Variants in DOCK3 observed in about 807,000 individuals in gnomAD.
The protein encoded by DOCK3 is dedicator of cytokinesis 3, also known as dedicator of cytokinesis protein 3.
A neutral mutation model predicts 265.6 loss-of-function variants in DOCK3; 60 were observed. The observed-to-expected ratio is 0.23, with a 90% CI of 0.18 to 0.28. DOCK3 has a LOEUF of 0.28. Among genes scored for constraint, DOCK3 ranks in the 10% least tolerant of loss-of-function variants. The pLI is 1.00. For missense variants in DOCK3, 1,981 were observed against 2,594.3 expected (o/e 0.76, Z 5.14); for synonymous variants, 881 against 938.0 (o/e 0.94, Z 1.11).
chr3:51,173,036 C>A (rs982368912), intron 12 of DOCK3, among the ~76,000 whole-genome samples: 3 of 152,156 alleles, frequency 2.0e-5, no homozygotes, highest in African/African-American at 7.2e-5. Flanking sequence ...GTCTCTTAAA[C>A]TATATATTAG....
chr3:50,745,001 C>T (rs1202571372), intron 1 of DOCK3, among the ~76,000 whole-genome samples: 3 of 152,120 alleles, frequency 2.0e-5, no homozygotes, highest in African/African-American at 7.2e-5. Flanking sequence ...AGTGTGAGTC[C>T]TCCAACTTTA....
intron 46 of DOCK3, among the ~76,000 whole-genome samples, chr3:51,360,112 A>G (rs2086623469): frequency 6.6e-6 from 1 of 152,104 alleles, no homozygotes; most frequent in African/African-American, 2.4e-5. Flanking sequence ...CCCAACACCA[A>G]TCCTTATGTA....
intron 2 of DOCK3, among the ~76,000 whole-genome samples, chr3:50,838,786 T>C (rs1231079231): frequency 2.0e-5 from 3 of 152,230 alleles, no homozygotes; most frequent in South Asian, 2.1e-4. Flanking sequence ...ATGAACTTTT[T>C]TGGTTCATAT....
intron 2 of DOCK3, among the ~76,000 whole-genome samples, chr3:50,813,660 A>G (rs1041126403): frequency 2.0e-5 from 3 of 152,242 alleles, no homozygotes; most frequent in African/African-American, 7.2e-5. Flanking sequence ...TGATAAACCC[A>G]TCATGAAGTT....
At chr3:50,788,311 A>T in intron 2 of DOCK3, 1 of 337,758 alleles carries the variant, frequency 3.0e-6, no homozygotes, top group East Asian at 6.1e-5. Flanking sequence ...TTTATTAAGC[A>T]GTTCAGACTG....
intron 12 of DOCK3, among the ~76,000 whole-genome samples, chr3:51,190,154 T>C (rs190406319): frequency 1.0e-3 from 154 of 152,324 alleles, no homozygotes; most frequent in African/African-American, 3.5e-3. Flanking sequence ...CTGGATTCTT[T>C]TGTCCCACAG....
At chr3:51,260,069 G>C in intron 22 of DOCK3, 87 bp from the exon 23 acceptor site, 1 of 1,337,360 alleles carries the variant, frequency 7.5e-7, no homozygotes. Flanking sequence ...TATAGAAACT[G>C]CTGTTACTTT....
intron 27 of DOCK3, among the ~76,000 whole-genome samples, chr3:51,280,662 G>A (rs2081059874): frequency 6.6e-6 from 1 of 152,028 alleles, no homozygotes; most frequent in Admixed American, 6.6e-5. Context: ...CTGCTCATTT[G>A]CTGCCAAACT....
intron 12 of DOCK3, among the ~76,000 whole-genome samples, chr3:51,168,729 A>G (rs2086528085): frequency 6.6e-6 from 1 of 152,222 alleles, no homozygotes; most frequent in Non-Finnish European, 1.5e-5. Context: ...AACAAATGCG[A>G]AAATTGACAA....
At chr3:51,330,859 A>G (rs2084472921) in intron 33 of DOCK3, among the ~76,000 whole-genome samples, 1 of 152,240 alleles carries the variant, frequency 6.6e-6, no homozygotes, top group South Asian at 2.1e-4. Context: ...TCTTCCTAAA[A>G]AATGAAATCT....
intron 5 of DOCK3, among the ~76,000 whole-genome samples, chr3:50,981,567 T>G (rs1359760923): frequency 6.6e-6 from 1 of 152,238 alleles, no homozygotes; most frequent in Admixed American, 6.5e-5. Context: ...CTATGTTGTA[T>G]TGGAGTCTGC....
intron 3 of DOCK3, among the ~76,000 whole-genome samples, chr3:50,849,427 G>A (rs2046254734): frequency 6.6e-6 from 1 of 151,176 alleles, no homozygotes; most frequent in South Asian, 2.1e-4. Context: ...TATATATATG[G>A]CAGCAAATAT....
chr3:50,848,797 C>G (rs911146009), intron 3 of DOCK3, among the ~76,000 whole-genome samples: 2 of 152,144 alleles, frequency 1.3e-5, no homozygotes, highest in African/African-American at 2.4e-5. Flanking sequence ...TAGCACCTCA[C>G]AGGTGTTCCC....
intron 40 of DOCK3, 102 bp downstream of exon 40, chr3:51,350,494 T>C: frequency 7.8e-7 from 1 of 1,276,490 alleles, no homozygotes; most frequent in Non-Finnish European, 1.1e-6. Context: ...TACTGAATAC[T>C]TCTTTACAGA....
chr3:51,361,938 G>A lies in DOCK3; in HGVS notation c.5086G>A (p.Val1696Met). Residue 1696 changes from valine to methionine, a missense_variant, in exon 48 of 53, where the codon GTG becomes ATG. By Grantham distance (21) the Val-to-Met change is conservative. Coordinates refer to ENST00000266037, the MANE Select transcript of DOCK3 (RefSeq NM_004947.5). This position sits in a 1 kb window ranked among gnomAD's most constrained non-coding sequence, Gnocchi z 4.2. ...SHASSEAGNMVMLGDGSMGDA... is the reference protein window; with the variant it reads ...SHASSEAGNMMMLGDGSMGDA... ...TGCGTCTAGTGAAGCAGGAAACATG[G>A]TGATGCTGGGTGACGGCTCCATGGG... The A allele has an allele frequency of 2.5e-6, 4 of 1,612,492 alleles. No individual in the cohort carries two copies. The highest frequency in any genetic ancestry group is 3.4e-6 in the Non-Finnish European group (4 of 1,179,326).
intron 5 of DOCK3, among the ~76,000 whole-genome samples, chr3:50,977,815 C>T (rs2077518503): frequency 1.3e-5 from 2 of 151,784 alleles, no homozygotes. Context: ...TCACATAGTC[C>T]CATATTTCTT....
Position 51,260,207 on chromosome 3 carries a change from C to T in DOCK3, c.2236C>T (p.Arg746Ter), listed in dbSNP as rs1030780615. 1.2e-6 allele frequency: 2 copies of T among 1,613,762 alleles called. No individual in the cohort carries two copies. The highest frequency in any genetic ancestry group is 1.7e-5 in the Admixed American group (1 of 59,962). ...TGTACAGTCACGGATCCTGTACTCA[C>T]GAGCCACTTGTGGAATGGAAGAGGA... The part of the protein sequence containing the change: ...FIVQSRILYS[R>*]ATCGMEEEQF... The change falls in exon 23 of 53, where the codon CGA becomes TGA. Residue 746 changes from arginine to a stop codon, truncating the protein, a stop_gained. Coordinates refer to ENST00000266037, the MANE Select transcript of DOCK3 (RefSeq NM_004947.5). LOFTEE classifies it high-confidence loss of function.
intron 5 of DOCK3, among the ~76,000 whole-genome samples, chr3:50,976,979 TG>T (rs1168204018): frequency 6.7e-6 from 1 of 150,098 alleles, no homozygotes; most frequent in Non-Finnish European, 1.5e-5. Flanking sequence ...TGCCTTTTTT[TG>T]TTTTCCATTT....
intron 5 of DOCK3, among the ~76,000 whole-genome samples, chr3:51,030,715 A>G (rs756849950): frequency 6.6e-6 from 1 of 152,238 alleles, no homozygotes; most frequent in Non-Finnish European, 1.5e-5. Flanking sequence ...CTCCAAGAGC[A>G]TAGAGCACAC....
Sources: allele counts gnomAD v4.1 joint callset (sites outside exome capture counted in the v4.1 genomes callset), GRCh38; gene constraint gnomAD v4.1.1; non-coding constraint Gnocchi (gnomAD v3.1); transcripts MANE v1.5; gene names NCBI Gene and HGNC (gene_info 2026-07-23, HGNC 2026-07-21).